Variants in TDP1 observed in about 807,000 individuals in gnomAD.
TDP1 encodes tyrosyl-DNA phosphodiesterase 1.
Under a neutral mutation model 81.5 loss-of-function variants are expected in TDP1, and 64 were observed. The ratio of observed to expected loss-of-function variants is 0.79; its 90% CI spans 0.64 to 0.97. The LOEUF is 0.97. Ranked by LOEUF, TDP1 falls within the 50% of genes least tolerant of loss-of-function variation. TDP1 has a pLI of 0.00. For missense variants in TDP1, 723 were observed against 743.8 expected (o/e 0.97, Z 0.33); for synonymous variants, 256 against 264.3 (o/e 0.97, Z 0.30).
intron 16 of TDP1, among the ~76,000 whole-genome samples, chr14:90,041,345 A>G (rs1412985954): frequency 1.3e-5 from 2 of 152,208 alleles, no homozygotes. Flanking sequence ...CTCTCTAACA[A>G]GCTTGTTTAG....
intron 14 of TDP1, among the ~76,000 whole-genome samples, chr14:90,017,017 T>C (rs879802718): frequency 3.3e-5 from 5 of 151,840 alleles, no homozygotes; most frequent in Non-Finnish European, 5.9e-5. Context: ...AAAAGAACAA[T>C]GGAAGAGTGA....
At chr14:89,998,108 A>G (rs1896794657) in intron 14 of TDP1, among the ~76,000 whole-genome samples, 1 of 151,906 alleles carries the variant, frequency 6.6e-6, no homozygotes, top group Non-Finnish European at 1.5e-5. Context: ...TAGAAAGATA[A>G]TATGGTACCT....
chr14:89,968,455 G>A (rs1165305693), intron 5 of TDP1, among the ~76,000 whole-genome samples: 2 of 152,110 alleles, frequency 1.3e-5, no homozygotes, highest in African/African-American at 2.4e-5. Flanking sequence ...GGGGAAAGGA[G>A]GAAAAGGACA....
At chr14:89,992,030 A>G in intron 13 of TDP1, 47 bp downstream of exon 13, 1 of 1,507,904 alleles carries the variant, frequency 6.6e-7, no homozygotes. Flanking sequence ...TAGGAATTAG[A>G]GTGTTATTTA....
chr14:90,034,360 C>T (rs763561527), intron 16 of TDP1, among the ~76,000 whole-genome samples: 5 of 152,198 alleles, frequency 3.3e-5, no homozygotes, highest in Non-Finnish European at 7.3e-5. Context: ...GGGAGGTCCC[C>T]AGGGGCTACA....
Position 89,984,622 on chromosome 14 carries a change from A to C in TDP1, c.991A>C (p.Asn331His). The C allele has an allele frequency of 6.2e-7, 1 of 1,614,164 alleles. No homozygotes were observed. The highest frequency in any genetic ancestry group is 1.1e-5 in the South Asian group (1 of 91,088). ...TCTCATCAGTTACTTGATGGCTTAT[A>C]ATGCCCCTTCTCTCAAGGAGTGGAT... ...ADLISYLMAYNAPSLKEWIDV... is the reference protein window; with the variant it reads ...ADLISYLMAYHAPSLKEWIDV... The change falls in exon 9 of 17, where the codon AAT becomes CAT. Residue 331 changes from asparagine to histidine, a missense_variant. Coordinates refer to ENST00000335725, the MANE Select transcript of TDP1 (RefSeq NM_018319.4).
chr14:90,039,914 G>C (rs530117112), intron 16 of TDP1, among the ~76,000 whole-genome samples: 1 of 152,262 alleles, frequency 6.6e-6, no homozygotes, highest in South Asian at 2.1e-4. Context: ...GGCACTCAGA[G>C]TAACTTGGTC....
At chr14:90,017,887 A>G (rs1250509329) in intron 14 of TDP1, among the ~76,000 whole-genome samples, 1 of 152,208 alleles carries the variant, frequency 6.6e-6, no homozygotes, top group Non-Finnish European at 1.5e-5. Flanking sequence ...CGTTATAGAC[A>G]GTGATGTTCA....
chr14:89,959,491 C>G (rs571659988), intron 2 of TDP1, among the ~76,000 whole-genome samples: 5 of 152,294 alleles, frequency 3.3e-5, no homozygotes, highest in African/African-American at 9.6e-5. Context: ...TGGTAAGCTG[C>G]TACATTTAAC....
intron 3 of TDP1, among the ~76,000 whole-genome samples, chr14:89,963,920 G>A (rs990384728): frequency 6.6e-6 from 1 of 152,176 alleles, no homozygotes; most frequent in Admixed American, 6.5e-5. Context: ...ACGATGTTTA[G>A]CATTATTTAA....
intron 14 of TDP1, among the ~76,000 whole-genome samples, chr14:90,016,029 C>A (rs1885266294): frequency 1.3e-5 from 2 of 151,528 alleles, no homozygotes; most frequent in South Asian, 4.2e-4. Context: ...AAATGTGAGA[C>A]AGCAGCCTTT....
chr14:90,024,515 T>C (rs1477159079), intron 15 of TDP1, among the ~76,000 whole-genome samples: 1 of 152,184 alleles, frequency 6.6e-6, no homozygotes. Context: ...TTTAAGTTGA[T>C]CCATACCGAA....
chr14:90,009,153 C>T (rs887793698), intron 14 of TDP1, among the ~76,000 whole-genome samples: 8 of 152,196 alleles, frequency 5.3e-5, no homozygotes, highest in African/African-American at 1.9e-4. Context: ...TTTGTGTCTT[C>T]ACTGAAGCTT....
chr14:90,003,605 G>A (rs1189020867), intron 14 of TDP1, among the ~76,000 whole-genome samples: 1 of 152,202 alleles, frequency 6.6e-6, no homozygotes, highest in African/African-American at 2.4e-5. Flanking sequence ...GTGCCTAGGT[G>A]TAATTGGCAA....
At chr14:89,993,194 A>G in intron 13 of TDP1, 182 bp from the exon 14 acceptor site, 1 of 975,538 alleles carries the variant, frequency 1.0e-6, no homozygotes, top group Non-Finnish European at 1.2e-6. Flanking sequence ...TGGGAAGTTT[A>G]TAATTCTAAA....
intron 14 of TDP1, among the ~76,000 whole-genome samples, chr14:90,005,463 A>G (rs1311431380): frequency 6.6e-6 from 1 of 152,306 alleles, no homozygotes; most frequent in Non-Finnish European, 1.5e-5. Flanking sequence ...CATTCTAACA[A>G]CCATATCATA....
intron 7 of TDP1, chr14:89,980,042 C>G (rs1234353386): frequency 3.0e-6 from 1 of 330,904 alleles, no homozygotes; most frequent in African/African-American, 2.2e-5. Flanking sequence ...ATACACTTTA[C>G]ATTTCAGTGT....
At chr14:90,026,864 G>A (rs530826825) in intron 15 of TDP1, among the ~76,000 whole-genome samples, 2 of 152,308 alleles carry the variant, frequency 1.3e-5, no homozygotes, top group South Asian at 4.1e-4. Flanking sequence ...TATCATTGAT[G>A]GACATTTGGG....
Position 89,967,348 on chromosome 14 carries a change from C to T in TDP1, c.604-19C>T. 2 of 1,613,128 alleles carry T rather than the reference C, an allele frequency of 1.2e-6. No homozygotes were observed. Among genetic ancestry groups the T allele is most frequent in the Non-Finnish European group, 1.7e-6 (2 of 1,179,078 alleles). On this transcript the variant is annotated intron_variant, in intron 4 of 16. Coordinates refer to ENST00000335725, the MANE Select transcript of TDP1 (RefSeq NM_018319.4). ...CAGAATTACCTATGGCTTAGTTACT[C>T]TTCTTTTCTCCCATCTAGTTTAACT...
Sources: gnomAD v4.1 joint callset for allele counts (sites outside exome capture counted in the v4.1 genomes callset) on GRCh38, gnomAD v4.1.1 for gene constraint, MANE v1.5 for transcripts, NCBI Gene and HGNC (gene_info 2026-07-23, HGNC 2026-07-21) for gene names.